The following ELMO1 variants were observed in gnomAD, a reference collection of about 807,000 sequenced individuals.
ELMO1 encodes engulfment and cell motility 1.
ELMO1 carries 26 observed loss-of-function variants against 98.9 expected under a neutral mutation model. The observed-to-expected ratio is 0.26, with a 90% confidence interval of 0.19 to 0.36. The LOEUF is 0.36. Among genes scored for constraint, ELMO1 ranks in the 10% least tolerant of loss-of-function variants. ELMO1 has a pLI of 1.00. For missense variants in ELMO1, 627 were observed against 935.2 expected, an observed-to-expected ratio of 0.67 and a Z score of 4.30; for synonymous variants, 346 against 346.0, an observed-to-expected ratio of 1.00 and a Z score of 0.00.
At chr7:37,273,998 C>G (rs961137863) in intron 4 of ELMO1, among the ~76,000 whole-genome samples, 4 of 152,108 alleles carry the variant, frequency 2.6e-5, no homozygotes, top group African/African-American at 9.7e-5. Flanking sequence ...CAGGCAGGCC[C>G]GAAAACCCAA....
chr7:37,179,751 C>T (rs1790728870), intron 13 of ELMO1, among the ~76,000 whole-genome samples: 1 of 152,112 alleles, frequency 6.6e-6, no homozygotes, highest in African/African-American at 2.4e-5. Context: ...ATAAGCTGTA[C>T]ATTAATAATC....
At chr7:37,120,712 G>C (rs868528061) in intron 14 of ELMO1, among the ~76,000 whole-genome samples, 4 of 152,184 alleles carry the variant, frequency 2.6e-5, no homozygotes, top group African/African-American at 9.6e-5. Context: ...AGGCATAGCC[G>C]AACAAAAGGC....
intron 15 of ELMO1, among the ~76,000 whole-genome samples, chr7:37,039,955 T>C (rs1795405216): frequency 6.6e-6 from 1 of 152,222 alleles, no homozygotes; most frequent in African/African-American, 2.4e-5. Flanking sequence ...TGGACAGTAC[T>C]GTAATGTAAC....
intron 15 of ELMO1, among the ~76,000 whole-genome samples, chr7:37,066,898 A>T (rs1241470142): frequency 6.6e-6 from 1 of 152,198 alleles, no homozygotes; most frequent in Admixed American, 6.5e-5. Context: ...ATCTGCTCTG[A>T]TACTTGGAAA....
At chr7:37,165,315 G>A (rs1239107881) in intron 13 of ELMO1, among the ~76,000 whole-genome samples, 2 of 151,330 alleles carry the variant, frequency 1.3e-5, no homozygotes, top group South Asian at 2.1e-4. Context: ...TTTCCTAATT[G>A]AATAACCTTT....
intron 13 of ELMO1, among the ~76,000 whole-genome samples, chr7:37,159,682 C>G (rs531730561): frequency 3.9e-5 from 6 of 151,938 alleles, no homozygotes; most frequent in African/African-American, 1.4e-4. Flanking sequence ...CAGGGTGACA[C>G]AGCGAGACTC....
intron 2 of ELMO1, among the ~76,000 whole-genome samples, chr7:37,326,656 CTT>C (rs1218692980): frequency 6.6e-6 from 1 of 151,800 alleles, no homozygotes; most frequent in Admixed American, 6.6e-5. Context: ...CCAAAAGTGT[CTT>C]GTTTCAAGCT....
chr7:37,190,957 G>A (rs1333539740), intron 13 of ELMO1, among the ~76,000 whole-genome samples: 1 of 151,964 alleles, frequency 6.6e-6, no homozygotes, highest in Non-Finnish European at 1.5e-5. Flanking sequence ...GGGAGGCAGA[G>A]GCGGGTGGAT....
At chr7:37,312,724 C>G (rs1424689717) in intron 4 of ELMO1, among the ~76,000 whole-genome samples, 1 of 152,188 alleles carries the variant, frequency 6.6e-6, no homozygotes, top group Non-Finnish European at 1.5e-5. Flanking sequence ...TGACAGAAGA[C>G]AGGACACCAC....
intron 16 of ELMO1, among the ~76,000 whole-genome samples, chr7:36,918,587 G>A (rs1784892467): frequency 6.6e-6 from 1 of 152,142 alleles, no homozygotes; most frequent in Non-Finnish European, 1.5e-5. Flanking sequence ...AGGGCAGGAG[G>A]AATAGGGGCC....
intron 1 of ELMO1, among the ~76,000 whole-genome samples, chr7:37,380,902 AT>A (rs879737337): frequency 1.6e-4 from 24 of 152,366 alleles, no homozygotes; most frequent in Non-Finnish European, 2.5e-4. Context: ...GCTTAGGAAC[AT>A]TAGATAGCAC....
At chr7:37,173,015 T>C (rs1790273906) in intron 13 of ELMO1, among the ~76,000 whole-genome samples, 1 of 152,186 alleles carries the variant, frequency 6.6e-6, no homozygotes, top group Non-Finnish European at 1.5e-5. Flanking sequence ...TTGAGATGGA[T>C]ATGTAAGAAC....
At chr7:37,372,154 T>C (rs1802142144) in intron 1 of ELMO1, among the ~76,000 whole-genome samples, 1 of 151,368 alleles carries the variant, frequency 6.6e-6, no homozygotes, top group Non-Finnish European at 1.5e-5. Flanking sequence ...ATAGCACAGT[T>C]CCAAAACTCT....
chr7:37,055,652 T>C (rs1218271315), intron 15 of ELMO1, among the ~76,000 whole-genome samples: 1 of 152,128 alleles, frequency 6.6e-6, no homozygotes, highest in Non-Finnish European at 1.5e-5. Flanking sequence ...TTTTATTTTG[T>C]CTCCCTGAAT....
intron 2 of ELMO1, among the ~76,000 whole-genome samples, chr7:37,336,335 T>C (rs1800406638): frequency 6.6e-6 from 1 of 152,186 alleles, no homozygotes; most frequent in African/African-American, 2.4e-5. Context: ...TATGGGCAGT[T>C]TCACTAACCA....
At chr7:37,114,125 A>G (rs1374546006) in intron 14 of ELMO1, among the ~76,000 whole-genome samples, 1 of 152,212 alleles carries the variant, frequency 6.6e-6, no homozygotes, top group Non-Finnish European at 1.5e-5. Flanking sequence ...TTTTACTCTG[A>G]GTTACTGGAG....
chr7:36,884,454 T>C (rs1160303703), intron 18 of ELMO1, among the ~76,000 whole-genome samples: 1 of 152,138 alleles, frequency 6.6e-6, no homozygotes, highest in Non-Finnish European at 1.5e-5. Context: ...GGCTATTTGA[T>C]AGAGGAACTA....
intron 14 of ELMO1, among the ~76,000 whole-genome samples, chr7:37,132,821 G>A (rs1269835194): frequency 6.6e-6 from 1 of 152,028 alleles, no homozygotes; most frequent in African/African-American, 2.4e-5. Flanking sequence ...GTTTTTGGTA[G>A]GTAGTTCATT....
At chr7:37,127,708 A>G (rs1430732489) in intron 14 of ELMO1, among the ~76,000 whole-genome samples, 1 of 152,184 alleles carries the variant, frequency 6.6e-6, no homozygotes, top group Non-Finnish European at 1.5e-5. Flanking sequence ...TGCTAGTCAT[A>G]GCCTTTTTCT....
Sources: gnomAD v4.1 joint callset for allele counts (sites outside exome capture counted in the v4.1 genomes callset) on GRCh38, gnomAD v4.1.1 for gene constraint, MANE v1.5 for transcripts, NCBI Gene and HGNC (gene_info 2026-07-23, HGNC 2026-07-21) for gene names.